Variants in HMGCL observed in about 807,000 individuals in gnomAD.
The protein encoded by HMGCL is 3-hydroxy-3-methylglutaryl-CoA lyase.
HMGCL carries 26 observed loss-of-function variants against 37.3 expected under a neutral mutation model. That is an observed-to-expected ratio of 0.70 (90% CI 0.51 to 0.97). The LOEUF is 0.97. HMGCL is among the 50% of genes least tolerant of loss of function. HMGCL has a pLI of 0.00. For synonymous variants in HMGCL, 151 were observed against 148.0 expected (o/e 1.02, Z -0.15); for missense variants, 379 against 398.1 (o/e 0.95, Z 0.41).
At chr1:23,814,095 G>T in intron 5 of HMGCL, 95 bp downstream of exon 5, 1 of 1,373,600 alleles carries the variant, frequency 7.3e-7, no homozygotes, top group Non-Finnish European at 1.0e-6. Flanking sequence ...CCCCACCCAG[G>T]ATAAGAAGTT....
chr1:23,815,942 T>C (rs201646035), intron 4 of HMGCL, among the ~76,000 whole-genome samples: 2 of 150,836 alleles, frequency 1.3e-5, no homozygotes, highest in Non-Finnish European at 3.0e-5. Context: ...TTTTTTTTTT[T>C]TCTTGCTGTG....
chr1:23,823,034 G>C (rs997826530), intron 1 of HMGCL, among the ~76,000 whole-genome samples: 3 of 151,976 alleles, frequency 2.0e-5, no homozygotes, highest in African/African-American at 7.2e-5. Flanking sequence ...AAATTAGCTA[G>C]GCATGGCAGC....
At position 23,802,232 on chromosome 1, in the gene HMGCL, A is replaced by G; in HGVS notation, c.*231T>C. ...CTGGGCCAGGGTCCGTAACAAAGGG[A>G]GACTTCAGCCCTCAAAGCCTCTCAC... On this transcript the variant is annotated 3_prime_UTR_variant, in exon 9 of 9. Coordinates refer to ENST00000374490, the MANE Select transcript of HMGCL (RefSeq NM_000191.3). The G allele has an allele frequency of 1.7e-6, 1 of 601,972 alleles. No individual in the cohort carries two copies. Among genetic ancestry groups the G allele is most frequent in the Non-Finnish European group, 2.9e-6 (1 of 339,020 alleles). 37.3% of individuals were successfully genotyped at this position (601,972 alleles called of 1,614,324 possible).
intron 4 of HMGCL, among the ~76,000 whole-genome samples, chr1:23,815,697 G>A (rs529304237): frequency 4.0e-5 from 6 of 151,744 alleles, no homozygotes; most frequent in East Asian, 1.9e-4. Context: ...GGGTTTCATC[G>A]TGTTAGCCAG....
intron 6 of HMGCL, chr1:23,810,088 G>C (rs1335595844): frequency 6.4e-6 from 1 of 156,440 alleles, no homozygotes. Flanking sequence ...GCTAAGACCT[G>C]GAGCAGGGCA....
At chr1:23,807,307 G>T in intron 7 of HMGCL, 1 of 511,954 alleles carries the variant, frequency 2.0e-6, no homozygotes, top group Non-Finnish European at 3.9e-6. Flanking sequence ...GGAGACCACA[G>T]AACTACGAAC....
Position 23,825,407 on chromosome 1 carries a change from T to C in HMGCL, c.9A>G (p.Ala3=). Residue 3 remains alanine (A), a synonymous_variant, in exon 1 of 9, where the codon GCA becomes GCG. Coordinates refer to ENST00000374490, the MANE Select transcript of HMGCL (RefSeq NM_000191.3). The part of the protein sequence containing the change: MA[A]MRKALPRRLV... The stretch of plus-strand genomic sequence containing the variant: ...GTCGCCGCGGAAGCGCCTTCCTCAT[T>C]GCTGCCATCTTGGCCCAGAATCCCC... 6.4e-7 allele frequency: 1 copy of C among 1,558,932 alleles called. No homozygotes were observed. Among genetic ancestry groups the C allele is most frequent in the Non-Finnish European group, 8.7e-7 (1 of 1,151,894 alleles).
rs186406939 is a variant in HMGCL, at chr1:23,817,637, A to G, written c.145-54T>C. 14 of 1,048,398 alleles carry G rather than the reference A, an allele frequency of 1.3e-5. No individual in the cohort carries two copies. In the East Asian group the frequency reaches 3.3e-4, roughly 25 times the overall value. 64.9% of individuals were successfully genotyped at this position (1,048,398 alleles called of 1,614,324 possible). A position where few individuals can be genotyped will look rare whatever the true frequency, so the allele number is the denominator to read the frequency against. On this transcript the variant is annotated intron_variant, in intron 2 of 8. Coordinates refer to ENST00000374490, the MANE Select transcript of HMGCL (RefSeq NM_000191.3). ...GCAAAGTTAGTAACAAAACAGCCTC[A>G]AAATGCAGTACCTGTTAGTTCAAGT...
At chr1:23,810,125 G>C (rs570937082) in intron 6 of HMGCL, 1 of 160,998 alleles carries the variant, frequency 6.2e-6, no homozygotes, top group Admixed American at 5.8e-5. Flanking sequence ...AGTTGCTACT[G>C]TTACCATTCC....
intron 4 of HMGCL, among the ~76,000 whole-genome samples, chr1:23,815,396 C>T (rs1424770755): frequency 1.3e-5 from 2 of 152,066 alleles, no homozygotes; most frequent in Admixed American, 6.6e-5. Flanking sequence ...AGGAACCAAT[C>T]CTGCTGACAC....
chr1:23,822,769 G>C (rs1029369759), intron 1 of HMGCL, among the ~76,000 whole-genome samples: 2 of 152,184 alleles, frequency 1.3e-5, no homozygotes, highest in African/African-American at 4.8e-5. Context: ...TATCTCACTG[G>C]AACATAAGTT....
At chr1:23,808,372 G>A (rs759854131) in intron 6 of HMGCL, 49 bp from the exon 7 acceptor site, 3 of 1,509,072 alleles carry the variant, frequency 2.0e-6, no homozygotes, top group South Asian at 2.3e-5. Flanking sequence ...ACCAGCCAGG[G>A]GATCCATGCA....
Position 23,802,450 on chromosome 1 carries a change from G to T in HMGCL, c.*13C>A. Reference sequence around the variant, plus strand: ...TTCCACATCATCCCCAGGGCTTCAGGTGGGCAAGGGGCTCAGAGTTTACAG... The same window carrying T: ...TTCCACATCATCCCCAGGGCTTCAGTTGGGCAAGGGGCTCAGAGTTTACAG... On this transcript the variant is annotated 3_prime_UTR_variant, in exon 9 of 9. Transcript: ENST00000374490. 1.9e-6 allele frequency: 3 copies of T among 1,541,082 alleles called. No homozygotes were observed. The highest frequency in any genetic ancestry group is 2.7e-6 in the Non-Finnish European group (3 of 1,113,270).
intron 1 of HMGCL, among the ~76,000 whole-genome samples, chr1:23,825,101 T>C (rs889601384): frequency 6.6e-6 from 1 of 152,162 alleles, no homozygotes; most frequent in Non-Finnish European, 1.5e-5. Flanking sequence ...GGGCGGGGAA[T>C]CAGGGCACCT....
rs117571004 is a variant in HMGCL, at chr1:23,824,697, C to A, written c.60+659G>T. Among the ~76,000 whole-genome samples, 35 of 152,242 alleles carry A rather than the reference C, an allele frequency of 2.3e-4. No individual in the cohort carries two copies. In the East Asian group the frequency reaches 5.2e-3, roughly 23 times the overall value. ...AAGGGAATGTTGTCCGTTTTACAGACGAAAGAGCTGAGGTTTAGAGAAAGT... is the reference window on the plus strand; with the variant it reads ...AAGGGAATGTTGTCCGTTTTACAGAAGAAAGAGCTGAGGTTTAGAGAAAGT... On this transcript the variant is annotated intron_variant, in intron 1 of 8. Coordinates refer to ENST00000374490, the MANE Select transcript of HMGCL (RefSeq NM_000191.3).
At chr1:23,803,776 C>G (rs1372437734) in intron 8 of HMGCL, 1 of 152,490 alleles carries the variant, frequency 6.6e-6, no homozygotes, top group Non-Finnish European at 1.5e-5. Flanking sequence ...AAACCCAGTT[C>G]CATCTGATCT....
intron 2 of HMGCL, among the ~76,000 whole-genome samples, chr1:23,819,305 G>C (rs893628593): frequency 6.6e-6 from 1 of 152,198 alleles, no homozygotes; most frequent in Non-Finnish European, 1.5e-5. Context: ...CATGGGTATA[G>C]TGGCCACCAC....
Position 23,810,724 on chromosome 1 carries a change from A to G in HMGCL, c.561+12T>C, listed in dbSNP as rs934192805. On this transcript the variant is annotated intron_variant, in intron 6 of 8. Coordinates refer to ENST00000374490, the MANE Select transcript of HMGCL (RefSeq NM_000191.3). Reference sequence around the variant, plus strand: ...CCCTCACCAAACCCCCCGCCCTGACACATGCACACACCTCAGCTACTTTAG... The same window carrying G: ...CCCTCACCAAACCCCCCGCCCTGACGCATGCACACACCTCAGCTACTTTAG... 1.2e-6 allele frequency: 2 copies of G among 1,613,560 alleles called. No individual in the cohort carries two copies. The highest frequency in any genetic ancestry group is 1.7e-6 in the Non-Finnish European group (2 of 1,179,636).
intron 3 of HMGCL, 45 bp from the exon 4 acceptor site, chr1:23,816,815 CAG>C (rs1376270025): frequency 3.5e-6 from 4 of 1,146,246 alleles, no homozygotes; most frequent in South Asian, 1.2e-5. Context: ...CAAGAGCAGA[CAG>C]AGAGTTCAGT....
Sources: gnomAD v4.1 joint callset for allele counts (sites outside exome capture counted in the v4.1 genomes callset) on GRCh38, gnomAD v4.1.1 for gene constraint, MANE v1.5 for transcripts, NCBI Gene and HGNC (gene_info 2026-07-23, HGNC 2026-07-21) for gene names.